NCAM2: variants seen among roughly 807,000 people sequenced by gnomAD.
NCAM2 encodes the protein neural cell adhesion molecule 2.
A neutral mutation model predicts 98.1 loss-of-function variants in NCAM2; 30 were observed. That is an observed-to-expected ratio of 0.31 (90% CI 0.23 to 0.41). The LOEUF (loss-of-function observed/expected upper bound fraction) is 0.41. Among genes scored for constraint, NCAM2 ranks in the 10% least tolerant of loss-of-function variants. The pLI, the probability that NCAM2 is intolerant of heterozygous loss-of-function variation, is 1.00. For synonymous variants in NCAM2, 368 were observed against 342.4 expected (o/e 1.07, Z -0.83); for missense variants, 867 against 1,005.8 (o/e 0.86, Z 1.87).
intron 1 of NCAM2, among the ~76,000 whole-genome samples, chr21:21,083,445 G>A (rs1207357875): frequency 6.7e-6 from 1 of 150,364 alleles, no homozygotes; most frequent in African/African-American, 2.4e-5. Context: ...TTTGAGACAG[G>A]GTCTCACTCT....
At chr21:21,390,083 C>G (rs942428923) in intron 9 of NCAM2, among the ~76,000 whole-genome samples, 1 of 152,136 alleles carries the variant, frequency 6.6e-6, no homozygotes, top group Admixed American at 6.6e-5. Flanking sequence ...CTCTTGACCT[C>G]ATGATCCACC....
intron 1 of NCAM2, among the ~76,000 whole-genome samples, chr21:21,065,094 C>A (rs964550053): frequency 5.3e-5 from 8 of 151,894 alleles, no homozygotes; most frequent in African/African-American, 1.9e-4. Context: ...GCAGGAGAAT[C>A]GCTTGAACCG....
intron 12 of NCAM2, among the ~76,000 whole-genome samples, chr21:21,450,900 CAT>C (rs1207164145): frequency 6.6e-6 from 1 of 151,562 alleles, no homozygotes; most frequent in Non-Finnish European, 1.5e-5. Flanking sequence ...AGAAGTAGCA[CAT>C]GTTACACACA....
chr21:21,401,904 T>C (rs909624347), intron 9 of NCAM2, among the ~76,000 whole-genome samples: 1 of 152,152 alleles, frequency 6.6e-6, no homozygotes, highest in Non-Finnish European at 1.5e-5. Flanking sequence ...AGGAAACAAA[T>C]TGTGAAGATT....
chr21:21,231,506 T>A (rs1246026957), intron 1 of NCAM2, among the ~76,000 whole-genome samples: 2 of 151,402 alleles, frequency 1.3e-5, no homozygotes, highest in Non-Finnish European at 3.0e-5. Flanking sequence ...TTAATGCATA[T>A]TATTATGGAC....
chr21:21,338,555 A>G (rs1458076245), intron 8 of NCAM2, 21 bp downstream of exon 8: 3 of 1,564,590 alleles, frequency 1.9e-6, no homozygotes, highest in Middle Eastern at 1.7e-4. Context: ...CTCAATATGT[A>G]ATGGTTTCCA....
At chr21:21,529,876 A>G (rs1989528462) in intron 16 of NCAM2, among the ~76,000 whole-genome samples, 1 of 151,118 alleles carries the variant, frequency 6.6e-6, no homozygotes, top group Admixed American at 6.6e-5. Flanking sequence ...ATCACCTTTT[A>G]TGATAGACTG....
At chr21:21,265,469 G>GTA (rs1568857385) in intron 1 of NCAM2, among the ~76,000 whole-genome samples, 1 of 137,276 alleles carries the variant, frequency 7.3e-6, no homozygotes, top group Non-Finnish European at 1.5e-5. Flanking sequence ...ATATATGTGT[G>GTA]TATATATATT....
chr21:21,254,069 C>G (rs2071571543), intron 1 of NCAM2, among the ~76,000 whole-genome samples: 1 of 152,066 alleles, frequency 6.6e-6, no homozygotes, highest in Admixed American at 6.6e-5. Context: ...AAATAAAGTA[C>G]CAAAACAAGG....
At chr21:21,245,740 G>A (rs1372032360) in intron 1 of NCAM2, among the ~76,000 whole-genome samples, 10 of 152,116 alleles carry the variant, frequency 6.6e-5, no homozygotes, top group Admixed American at 6.5e-4. Context: ...AAAACCCTCA[G>A]TTACATTATT....
intron 9 of NCAM2, among the ~76,000 whole-genome samples, chr21:21,384,283 A>AT (rs1569003265): frequency 6.6e-6 from 1 of 151,692 alleles, no homozygotes. Context: ...ATTTTATTTT[A>AT]TTTTTTATTT....
At chr21:21,164,156 T>C (rs1174043232) in intron 1 of NCAM2, among the ~76,000 whole-genome samples, 4 of 151,898 alleles carry the variant, frequency 2.6e-5, no homozygotes, top group African/African-American at 9.7e-5. Flanking sequence ...TGATCATCCT[T>C]GGCTGGGCAA....
intron 9 of NCAM2, among the ~76,000 whole-genome samples, chr21:21,403,983 T>A (rs2076685069): frequency 6.6e-6 from 1 of 151,514 alleles, no homozygotes; most frequent in East Asian, 1.9e-4. Context: ...GCTTAATATA[T>A]GGTATCATAA....
At chr21:21,136,255 T>G (rs2067047308) in intron 1 of NCAM2, among the ~76,000 whole-genome samples, 1 of 152,140 alleles carries the variant, frequency 6.6e-6, no homozygotes, top group Non-Finnish European at 1.5e-5. Context: ...TGCATGTAAA[T>G]AGCTAGAGGA....
intron 8 of NCAM2, among the ~76,000 whole-genome samples, chr21:21,360,013 A>G (rs1012579042): frequency 1.3e-5 from 2 of 151,988 alleles, no homozygotes; most frequent in Non-Finnish European, 2.9e-5. Context: ...AATAAATTAT[A>G]TACAAGTAAG....
At chr21:21,155,130 C>T (rs1335179010) in intron 1 of NCAM2, among the ~76,000 whole-genome samples, 4 of 151,090 alleles carry the variant, frequency 2.6e-5, no homozygotes, top group Admixed American at 6.6e-5. Context: ...AAATAACAGA[C>T]AGAGAAAGAA....
intron 1 of NCAM2, among the ~76,000 whole-genome samples, chr21:21,190,868 A>G (rs1474328893): frequency 6.6e-6 from 1 of 152,180 alleles, no homozygotes. Flanking sequence ...CCATATGTAA[A>G]GTAGCATATG....
intron 1 of NCAM2, among the ~76,000 whole-genome samples, chr21:21,239,012 G>T (rs1028911224): frequency 2.6e-5 from 4 of 151,948 alleles, no homozygotes; most frequent in African/African-American, 9.7e-5. Context: ...CTTCAGATAA[G>T]AATATTTCAA....
chr21:21,081,402 C>G (rs1225861348), intron 1 of NCAM2, among the ~76,000 whole-genome samples: 1 of 152,100 alleles, frequency 6.6e-6, no homozygotes, highest in Non-Finnish European at 1.5e-5. Flanking sequence ...CTGACCATCA[C>G]CTGATGGTTG....
Sources: gnomAD v4.1 joint callset for allele counts (sites outside exome capture counted in the v4.1 genomes callset) on GRCh38, gnomAD v4.1.1 for gene constraint, MANE v1.5 for transcripts, NCBI Gene and HGNC (gene_info 2026-07-23, HGNC 2026-07-21) for gene names.